Variants in SPO11 observed in about 807,000 individuals in gnomAD.
SPO11 encodes SPO11 initiator of meiotic double strand breaks.
A neutral mutation model predicts 51.6 loss-of-function variants in SPO11; 49 were observed. The observed-to-expected ratio is 0.95, with a 90% CI of 0.75 to 1.20. The LOEUF is 1.20. Among genes scored for constraint, SPO11 ranks in the 50% most tolerant of loss-of-function variants. The pLI is 0.00. For missense variants in SPO11, 431 were observed against 473.4 expected, an observed-to-expected ratio of 0.91 and a Z score of 0.83; for synonymous variants, 176 against 158.2, an observed-to-expected ratio of 1.11 and a Z score of -0.84.
At chr20:57,331,230 C>T (rs887331842) in intron 1 of SPO11, among the ~76,000 whole-genome samples, 3 of 152,180 alleles carry the variant, frequency 2.0e-5, no homozygotes. Flanking sequence ...CCAAGTCAAC[C>T]GTTTGTTGCA....
chr20:57,334,155 ATTTTTT>A, intron 5 of SPO11, 60 bp downstream of exon 5: 4 of 549,470 alleles, frequency 7.3e-6, no homozygotes, highest in East Asian at 5.1e-5. Context: ...ATAAAACATA[ATTTTTT>A]TTTTTTTTTT....
At chr20:57,339,661 GA>G (rs1447538802) in intron 10 of SPO11, among the ~76,000 whole-genome samples, 1 of 152,170 alleles carries the variant, frequency 6.6e-6, no homozygotes, top group Non-Finnish European at 1.5e-5. Context: ...TGAACAATAA[GA>G]AATGTAGGTC....
chr20:57,342,837 A>G lies in SPO11; in HGVS notation c.1068A>G (p.Lys356=). ...TTACCTGCCAACCATTTTGGAGAAA[A>G]GAAGTATGTTTCCTTTTACAACTCA... The part of the protein sequence containing the change: ...PYVTCQPFWR[K]EMEIMADSKM... The change falls in exon 12 of 13, where the codon AAA becomes AAG. Residue 356 remains lysine (K), a synonymous_variant. Transcript: ENST00000371263. The G allele has an allele frequency of 6.2e-7, 1 of 1,605,084 alleles. No homozygotes were observed.
rs1465113165 is a variant in SPO11, at chr20:57,339,020, A to C, written c.876A>C (p.Gly292=). Residue 292 remains glycine, a synonymous_variant, in exon 10 of 13, where the codon GGA becomes GGC. Transcript: ENST00000371263. ...GIEIMCIYKY[G]SMSMSFEAHH... ...AAATAATGTGCATCTATAAGTATGGATCTATGGTAAGTATAGAAAAGCAGT... is the reference window on the plus strand; with the variant it reads ...AAATAATGTGCATCTATAAGTATGGCTCTATGGTAAGTATAGAAAAGCAGT... 1 of 1,477,940 alleles carries C rather than the reference A, an allele frequency of 6.8e-7. No individual in the cohort carries two copies. The highest frequency in any genetic ancestry group is 9.2e-7 in the Non-Finnish European group (1 of 1,086,894). 91.6% of individuals were successfully genotyped at this position (1,477,940 alleles called of 1,614,324 possible).
At chr20:57,330,582 C>G (rs764113717) in intron 1 of SPO11, among the ~76,000 whole-genome samples, 1 of 151,922 alleles carries the variant, frequency 6.6e-6, no homozygotes, top group Non-Finnish European at 1.5e-5. Flanking sequence ...TTACAGGAAC[C>G]CTCCAGCTAT....
Position 57,329,866 on chromosome 20 carries a change from T to A in SPO11, c.-2T>A, listed in dbSNP as rs2066420812. 6.2e-7 allele frequency: 1 copy of A among 1,612,732 alleles called. No homozygotes were observed. Among genetic ancestry groups the A allele is most frequent in the Admixed American group, 1.7e-5 (1 of 59,942 alleles). On this transcript the variant is annotated 5_prime_UTR_variant, in exon 1 of 13. Transcript: ENST00000371263. Reference sequence around the variant, plus strand: ...TGGAGCTTCTGGCAGCCGTCTGCCCTCATGGCCTTTGCACCTATGGGGCCC... The same window carrying A: ...TGGAGCTTCTGGCAGCCGTCTGCCCACATGGCCTTTGCACCTATGGGGCCC...
intron 2 of SPO11, among the ~76,000 whole-genome samples, chr20:57,332,239 C>A (rs1307054025): frequency 6.6e-6 from 1 of 152,160 alleles, no homozygotes; most frequent in Non-Finnish European, 1.5e-5. Context: ...AGAATAGGCA[C>A]CATACTTGGA....
rs2066611567 is a variant in SPO11 at position 57,343,731 on chromosome 20, T to A, written c.*271T>A. 9.8e-6 allele frequency: 2 copies of A among 204,388 alleles called. No homozygotes were observed. Among genetic ancestry groups the A allele is most frequent in the Non-Finnish European group, 1.9e-5 (2 of 103,792 alleles). 12.7% of individuals were successfully genotyped at this position (204,388 alleles called of 1,614,324 possible). A position where few individuals can be genotyped will look rare whatever the true frequency, so the allele number is the denominator to read the frequency against. On this transcript the variant is annotated 3_prime_UTR_variant, in exon 13 of 13. Transcript: ENST00000371263. ...ATATGTTATTTTGACCTTTAAATTA[T>A]TTTTGAAAAAATAATATTTTATACA...
intron 8 of SPO11, chr20:57,337,716 T>A (rs1442041638): frequency 5.4e-6 from 7 of 1,295,968 alleles, no homozygotes; most frequent in Non-Finnish European, 7.1e-6. Flanking sequence ...TGTTTGTATA[T>A]AATGTACATT....
intron 11 of SPO11, among the ~76,000 whole-genome samples, 197 bp from the exon 12 acceptor site, chr20:57,342,532 A>C (rs1042615608): frequency 2.6e-5 from 4 of 152,266 alleles, no homozygotes; most frequent in Non-Finnish European, 5.9e-5. Context: ...TGGAAACACA[A>C]ACTTCCACTA....
In SPO11 at chr20:57,342,774, C is replaced by T. The variant is rs752476754; in HGVS notation, c.1005C>T (p.Asp335=). 4.3e-6 allele frequency: 7 copies of T among 1,613,540 alleles called. No individual in the cohort carries two copies. Among genetic ancestry groups the T allele is most frequent in the Middle Eastern group, 1.7e-4 (1 of 6,056 alleles). The change falls in exon 12 of 13, where the codon GAC becomes GAT. Residue 335 remains aspartate, a synonymous_variant. Transcript: ENST00000371263. ...GTTTGATTCCACTGACAAAAAGGGA[C>T]CAAATGAAACTTGACAGTATCCTGA... ...KDSLIPLTKR[D]QMKLDSILRR... is the part of the protein sequence containing the mutation.
intron 1 of SPO11, among the ~76,000 whole-genome samples, chr20:57,330,626 C>T (rs1290058229): frequency 6.6e-6 from 1 of 152,138 alleles, no homozygotes; most frequent in African/African-American, 2.4e-5. Flanking sequence ...AACATGACTA[C>T]GTTATTGACC....
At chr20:57,335,326 G>A (rs2066498600) in intron 6 of SPO11, 93 bp from the exon 7 acceptor site, 1 of 1,064,262 alleles carries the variant, frequency 9.4e-7, no homozygotes, top group South Asian at 1.6e-5. Context: ...TGACTGGTAT[G>A]GTCAAAGAAA....
At chr20:57,340,344 T>C (rs927969374) in intron 11 of SPO11, among the ~76,000 whole-genome samples, 166 bp downstream of exon 11, 7 of 152,242 alleles carry the variant, frequency 4.6e-5, no homozygotes, top group Admixed American at 4.6e-4. Context: ...TTAATGTTTC[T>C]GTTTCAACTA....
intron 8 of SPO11, among the ~76,000 whole-genome samples, chr20:57,336,988 A>G (rs2066520299): frequency 6.6e-6 from 1 of 152,182 alleles, no homozygotes; most frequent in South Asian, 2.1e-4. Context: ...CTGGATTTGA[A>G]TAGTTGAAAT....
chr20:57,336,199 C>T (rs2066511056), intron 8 of SPO11, among the ~76,000 whole-genome samples: 2 of 152,098 alleles, frequency 1.3e-5, no homozygotes, highest in Admixed American at 1.3e-4. Context: ...TCTAAAACCA[C>T]ACTCAAAAGC....
chr20:57,332,090 T>C, intron 2 of SPO11, 144 bp downstream of exon 2: 1 of 500,602 alleles, frequency 2.0e-6, no homozygotes, highest in Non-Finnish European at 3.5e-6. Flanking sequence ...ACGAAATACA[T>C]ACCATACAGA....
intron 8 of SPO11, chr20:57,337,782 G>A (rs2066530512): frequency 1.5e-6 from 2 of 1,306,690 alleles, no homozygotes; most frequent in Non-Finnish European, 2.0e-6. Flanking sequence ...GTAGGAAGAT[G>A]TAACCCTTTT....
chr20:57,329,832 A>AG lies in SPO11; in HGVS notation c.-32dup. On this transcript the variant is annotated 5_prime_UTR_variant, in exon 1 of 13. Coordinates refer to ENST00000371263, the MANE Select transcript of SPO11 (RefSeq NM_012444.3). ...ACGCCCCAAGGGCGCAGCCTAGGAC[A>AG]GGGGCTTCTGGAGCTTCTGGCAGCC... 6.3e-7 allele frequency: 1 copy of AG among 1,598,086 alleles called. No homozygotes were observed. Among genetic ancestry groups the AG allele is most frequent in the Non-Finnish European group, 8.5e-7 (1 of 1,170,896 alleles).
Sources: gnomAD v4.1 joint callset for allele counts (sites outside exome capture counted in the v4.1 genomes callset) on GRCh38, gnomAD v4.1.1 for gene constraint, MANE v1.5 for transcripts, NCBI Gene and HGNC (gene_info 2026-07-23, HGNC 2026-07-21) for gene names.